The following SEMA6D variants were observed in gnomAD, a reference collection of about 807,000 sequenced individuals.
SEMA6D encodes semaphorin-6D.
Under a neutral mutation model 106.6 loss-of-function variants are expected in SEMA6D, and 35 were observed. The observed-to-expected ratio is 0.33, with a 90% confidence interval of 0.25 to 0.44. SEMA6D has a LOEUF of 0.44. Among genes scored for constraint, SEMA6D ranks in the 20% least tolerant of loss-of-function variants. The pLI is 1.00. For missense variants in SEMA6D, 1,185 were observed against 1,345.9 expected, an observed-to-expected ratio of 0.88 and a Z score of 1.87; for synonymous variants, 499 against 487.7, an observed-to-expected ratio of 1.02 and a Z score of -0.31.
At chr15:47,390,840 GT>G (rs948375798) in intron 1 of SEMA6D, among the ~76,000 whole-genome samples, 1 of 152,036 alleles carries the variant, frequency 6.6e-6, no homozygotes, top group Non-Finnish European at 1.5e-5. Context: ...ACTAGACTGA[GT>G]TTTTCTTCCA....
At chr15:47,682,264 T>C (rs965635293) in intron 4 of SEMA6D, among the ~76,000 whole-genome samples, 1 of 151,584 alleles carries the variant, frequency 6.6e-6, no homozygotes, top group African/African-American at 2.4e-5. Context: ...GCCTCCCGGG[T>C]TCATGCCATT....
At chr15:47,766,232 C>A in intron 15 of SEMA6D, 50 bp downstream of exon 15, 1 of 1,484,616 alleles carries the variant, frequency 6.7e-7, no homozygotes, top group Non-Finnish European at 9.3e-7. Context: ...TCTCCAGGGT[C>A]TCTAAAGCTA....
intron 1 of SEMA6D, among the ~76,000 whole-genome samples, chr15:47,745,479 C>A (rs1337142657): frequency 6.6e-6 from 1 of 152,380 alleles, no homozygotes; most frequent in Middle Eastern, 3.4e-3. Flanking sequence ...CGCTTGTCAG[C>A]CTCCATCCCT....
At chr15:47,739,159 A>G (rs1469579464) in intron 1 of SEMA6D, among the ~76,000 whole-genome samples, 2 of 152,224 alleles carry the variant, frequency 1.3e-5, no homozygotes, top group Non-Finnish European at 2.9e-5. Context: ...GGGAGGATAT[A>G]TACACCCACT....
rs1401353734 is a variant in SEMA6D at position 47,362,213 on chromosome 15, A to G, written c.-238-50180A>G. 5.3e-5 allele frequency among the ~76,000 whole-genome samples: 8 copies of G among 152,158 alleles called. No individual in the cohort carries two copies. In the East Asian group the frequency reaches 1.2e-3, roughly 22 times the overall value. On this transcript the variant is annotated intron_variant, in intron 1 of 19. Coordinates refer to the SEMA6D transcript ENST00000558014. ...GGAAGGACAGGGCCCAGCTGGCTAC[A>G]TAGTCCTGTGGAAATCATTATGGGG...
intron 3 of SEMA6D, among the ~76,000 whole-genome samples, chr15:47,572,283 A>G (rs990558259): frequency 6.6e-6 from 1 of 152,196 alleles, no homozygotes; most frequent in African/African-American, 2.4e-5. Context: ...TCAATTTTTG[A>G]AAGACTTTAT....
At chr15:47,276,249 G>T (rs1459729743) in intron 1 of SEMA6D, among the ~76,000 whole-genome samples, 1 of 152,180 alleles carries the variant, frequency 6.6e-6, no homozygotes, top group Non-Finnish European at 1.5e-5. Flanking sequence ...TTATCCAGAA[G>T]ATCTGGCTAA....
At chr15:47,570,653 G>T (rs1309106919) in intron 3 of SEMA6D, among the ~76,000 whole-genome samples, 2 of 152,144 alleles carry the variant, frequency 1.3e-5, no homozygotes, top group East Asian at 3.9e-4. Context: ...AGCAGGCCCG[G>T]CGCAGCCTCG....
intron 1 of SEMA6D, among the ~76,000 whole-genome samples, chr15:47,384,821 T>TG (rs1198029884): frequency 1.7e-3 from 134 of 77,222 alleles, no homozygotes; most frequent in East Asian, 8.9e-3. Context: ...AAAGTTTTTT[T>TG]TTTTTTTTTT....
intron 1 of SEMA6D, among the ~76,000 whole-genome samples, chr15:47,350,179 C>T (rs149073886): frequency 9.5e-5 from 5 of 52,784 alleles, no homozygotes; most frequent in African/African-American, 1.6e-4. Context: ...AATAATTTAA[C>T]TGCTCTTAGA....
intron 2 of SEMA6D, among the ~76,000 whole-genome samples, chr15:47,452,943 A>G (rs1487020566): frequency 1.3e-5 from 2 of 151,934 alleles, no homozygotes; most frequent in African/African-American, 4.8e-5. Flanking sequence ...AATTATCCCC[A>G]TGAGTTTTTT....
At chr15:47,518,193 A>G (rs562918369) in intron 3 of SEMA6D, among the ~76,000 whole-genome samples, 60 of 152,318 alleles carry the variant, frequency 3.9e-4, no homozygotes, top group African/African-American at 1.4e-3. Context: ...ATAGGAATTT[A>G]ATTTTTAATA....
At chr15:47,729,259 G>A (rs529801132) in intron 1 of SEMA6D, among the ~76,000 whole-genome samples, 1 of 152,304 alleles carries the variant, frequency 6.6e-6, no homozygotes, top group Non-Finnish European at 1.5e-5. Flanking sequence ...AATCATCATA[G>A]TAGTAACAAC....
intron 1 of SEMA6D, among the ~76,000 whole-genome samples, chr15:47,235,397 T>C (rs754624402): frequency 3.3e-5 from 5 of 152,090 alleles, no homozygotes; most frequent in Admixed American, 1.3e-4. Context: ...AGTAATAAAC[T>C]CTTTGCCTAG....
chr15:47,437,714 G>C (rs1394714795), intron 2 of SEMA6D, among the ~76,000 whole-genome samples: 1 of 152,058 alleles, frequency 6.6e-6, no homozygotes, highest in Non-Finnish European at 1.5e-5. Context: ...GCATTGATTT[G>C]TCTGAGTCAT....
intron 2 of SEMA6D, among the ~76,000 whole-genome samples, chr15:47,462,818 C>T (rs2042554371): frequency 6.6e-6 from 1 of 151,946 alleles, no homozygotes; most frequent in Non-Finnish European, 1.5e-5. Flanking sequence ...CTTAATTCAC[C>T]TTGGGTGAGG....
chr15:47,262,132 T>TA (rs545774587), intron 1 of SEMA6D, among the ~76,000 whole-genome samples: 131 of 150,712 alleles, frequency 8.7e-4, no homozygotes, highest in Non-Finnish European at 1.6e-3. Context: ...ACTAGGGAGG[T>TA]AAAAAAAATC....
At chr15:47,609,548 C>T (rs539721919) in intron 4 of SEMA6D, among the ~76,000 whole-genome samples, 7 of 152,146 alleles carry the variant, frequency 4.6e-5, no homozygotes, top group Non-Finnish European at 7.3e-5. Context: ...GGTACATATA[C>T]GCAGGTCTTA....
intron 3 of SEMA6D, among the ~76,000 whole-genome samples, chr15:47,551,700 T>TGTGTGTGTGTGTGTGTGTGTG (rs1555389337): frequency 6.6e-6 from 1 of 151,586 alleles, no homozygotes; most frequent in Non-Finnish European, 1.5e-5. Flanking sequence ...TGTGTGTGTG[T>TGTGTGTGTGTGTGTGTGTGTG]CCCCTTATGC....
Sources: allele counts gnomAD v4.1 joint callset (sites outside exome capture counted in the v4.1 genomes callset), GRCh38; gene constraint gnomAD v4.1.1; transcripts MANE v1.5; gene names NCBI Gene and HGNC (gene_info 2026-07-23, HGNC 2026-07-21).